Variants in CLNK observed in about 807,000 individuals in gnomAD.
CLNK encodes cytokine-dependent hematopoietic cell linker.
A neutral mutation model predicts 68.6 loss-of-function variants in CLNK; 74 were observed. That is an observed-to-expected ratio of 1.08 (90% CI 0.89 to 1.31). The LOEUF (loss-of-function observed/expected upper bound fraction) is 1.31. CLNK is among the 50% of genes most tolerant of loss of function. CLNK has a pLI of 0.00. For synonymous variants in CLNK, 198 were observed against 172.2 expected (o/e 1.15, Z -1.17); for missense variants, 553 against 515.3 (o/e 1.07, Z -0.71).
intron 4 of CLNK, among the ~76,000 whole-genome samples, chr4:10,581,299 A>G (rs1235095898): frequency 6.6e-6 from 1 of 152,180 alleles, no homozygotes; most frequent in African/African-American, 2.4e-5. Context: ...TATGTGACAC[A>G]TGACTGTGTA....
At chr4:10,732,091 C>T in the CLNK span, among the ~76,000 whole-genome samples, 2 of 152,100 alleles carry the variant, frequency 1.3e-5, no homozygotes, top group South Asian at 4.1e-4. Flanking sequence ...AAAATGACCT[C>T]AAGATTATAG....
intron 8 of CLNK, among the ~76,000 whole-genome samples, chr4:10,542,634 GTA>G (rs1404475048): frequency 7.4e-5 from 11 of 149,074 alleles, no homozygotes; most frequent in African/African-American, 2.5e-4. Flanking sequence ...ATGTGCATGT[GTA>G]TATGTGTGTG....
chr4:10,567,128 T>TG (rs67332206), intron 5 of CLNK, among the ~76,000 whole-genome samples: 1 of 51,230 alleles, frequency 2.0e-5, no homozygotes, highest in Non-Finnish European at 3.9e-5. Flanking sequence ...AAAACAATCT[T>TG]GGGAAAAAAA....
intron 2 of CLNK, among the ~76,000 whole-genome samples, chr4:10,618,501 A>G (rs1353911968): frequency 6.6e-6 from 1 of 152,246 alleles, no homozygotes; most frequent in Non-Finnish European, 1.5e-5. Context: ...GTATACTTTA[A>G]AATGGGTGAA....
chr4:10,634,307 T>A (rs1018594955), intron 2 of CLNK, among the ~76,000 whole-genome samples: 1 of 152,222 alleles, frequency 6.6e-6, no homozygotes, highest in Non-Finnish European at 1.5e-5. Flanking sequence ...GTGGTCATTT[T>A]GGGAGGTGTC....
At chr4:10,580,969 A>G (rs1434332994) in intron 4 of CLNK, among the ~76,000 whole-genome samples, 2 of 152,194 alleles carry the variant, frequency 1.3e-5, no homozygotes, top group Non-Finnish European at 2.9e-5. Context: ...ATTCAGAGAA[A>G]TTTCCAGTCC....
intron 2 of CLNK, among the ~76,000 whole-genome samples, chr4:10,624,059 G>C (rs1330965871): frequency 6.6e-6 from 1 of 152,306 alleles, no homozygotes; most frequent in South Asian, 2.1e-4. Flanking sequence ...TTTCTGAAAA[G>C]AACACTTTTC....
intron 2 of CLNK, among the ~76,000 whole-genome samples, chr4:10,645,205 A>C (rs2108878408): frequency 6.6e-6 from 1 of 152,310 alleles, no homozygotes; most frequent in South Asian, 2.1e-4. Flanking sequence ...CATCCATCTT[A>C]TGTCTCAGCC....
chr4:10,566,854 G>A (rs1720138404), intron 5 of CLNK, among the ~76,000 whole-genome samples: 1 of 151,834 alleles, frequency 6.6e-6, no homozygotes, highest in Non-Finnish European at 1.5e-5. Context: ...GATTATATTA[G>A]CAATAGCATC....
At chr4:10,635,387 T>G (rs1723041773) in intron 2 of CLNK, among the ~76,000 whole-genome samples, 1 of 152,132 alleles carries the variant, frequency 6.6e-6, no homozygotes, top group Non-Finnish European at 1.5e-5. Flanking sequence ...ATCGACCCTG[T>G]CCACCTCTGA....
intron 3 of CLNK, among the ~76,000 whole-genome samples, chr4:10,592,918 G>A (rs1196915061): frequency 6.6e-6 from 1 of 151,930 alleles, no homozygotes; most frequent in Non-Finnish European, 1.5e-5. Flanking sequence ...GTAGAGATCA[G>A]GTTTTGCCAT....
the CLNK span, among the ~76,000 whole-genome samples, chr4:10,708,621 G>T: frequency 2.0e-5 from 3 of 152,140 alleles, no homozygotes; most frequent in Non-Finnish European, 4.4e-5. Context: ...AGAGGTGAAG[G>T]GCTCTACTTA....
the CLNK span, among the ~76,000 whole-genome samples, chr4:10,699,506 A>ATT: frequency 1.1e-4 from 3 of 26,202 alleles, no homozygotes; most frequent in Admixed American, 4.9e-4. Flanking sequence ...ATATATATAT[A>ATT]TATATATTTT....
At chr4:10,631,783 A>T (rs1039257646) in intron 2 of CLNK, among the ~76,000 whole-genome samples, 4 of 152,180 alleles carry the variant, frequency 2.6e-5, no homozygotes, top group African/African-American at 7.2e-5. Context: ...TCTCAAAGCA[A>T]CTCTATGACA....
intron 5 of CLNK, among the ~76,000 whole-genome samples, chr4:10,569,473 C>T (rs929405705): frequency 6.6e-6 from 1 of 152,212 alleles, no homozygotes; most frequent in Non-Finnish European, 1.5e-5. Context: ...GCCAACCCTA[C>T]TGGCACTTTG....
intron 2 of CLNK, among the ~76,000 whole-genome samples, chr4:10,607,215 C>T (rs1721823986): frequency 1.3e-5 from 2 of 152,190 alleles, no homozygotes; most frequent in Admixed American, 6.5e-5. Flanking sequence ...TCGAGCAAGG[C>T]TTTGAGCTGG....
At chr4:10,533,306 G>A (rs908028606) in intron 11 of CLNK, among the ~76,000 whole-genome samples, 1 of 152,166 alleles carries the variant, frequency 6.6e-6, no homozygotes, top group Non-Finnish European at 1.5e-5. Context: ...CATTCAGTGT[G>A]CATCGTTGTC....
At chr4:10,722,062 T>G in the CLNK span, among the ~76,000 whole-genome samples, 1 of 152,128 alleles carries the variant, frequency 6.6e-6, no homozygotes, top group African/African-American at 2.4e-5. Context: ...TAATCCCGGC[T>G]ACTCGGGAGG....
chr4:10,564,830 AC>A, intron 6 of CLNK, 53 bp from the exon 7 acceptor site: 1 of 1,073,778 alleles, frequency 9.3e-7, no homozygotes, highest in Non-Finnish European at 1.4e-6. Context: ...TCAGCACATT[AC>A]AATTTACAAA....
Sources: allele counts gnomAD v4.1 joint callset (sites outside exome capture counted in the v4.1 genomes callset), GRCh38; gene constraint gnomAD v4.1.1; transcripts MANE v1.5; gene names NCBI Gene and HGNC (gene_info 2026-07-23, HGNC 2026-07-21).